CNTN5: variants seen among roughly 807,000 people sequenced by gnomAD.
CNTN5 encodes the protein contactin-5.
CNTN5 carries 77 observed loss-of-function variants against 129.1 expected under a neutral mutation model. The observed-to-expected ratio is 0.60, with a 90% CI of 0.50 to 0.72. The LOEUF (loss-of-function observed/expected upper bound fraction) is 0.72. Ranked by LOEUF, CNTN5 falls within the 30% of genes least tolerant of loss-of-function variation. The probability of loss-of-function intolerance (pLI) is 0.00; values close to 1 mark genes in which losing one functional copy is unlikely to be tolerated. For missense variants in CNTN5, 1,478 were observed against 1,328.8 expected, an observed-to-expected ratio of 1.11 and a Z score of -1.75; for synonymous variants, 509 against 465.6, an observed-to-expected ratio of 1.09 and a Z score of -1.20.
intron 1 of CNTN5, among the ~76,000 whole-genome samples, chr11:99,022,390 T>G (rs550558325): frequency 6.6e-6 from 1 of 152,308 alleles, no homozygotes; most frequent in South Asian, 2.1e-4. Flanking sequence ...TCATTATGAT[T>G]AATATTGTGA....
intron 21 of CNTN5, among the ~76,000 whole-genome samples, chr11:100,315,653 G>A (rs1189641244): frequency 6.6e-6 from 1 of 152,012 alleles, no homozygotes; most frequent in East Asian, 1.9e-4. Flanking sequence ...CTGAAAGAAT[G>A]GCAGTACCTC....
chr11:99,441,704 A>AT (rs1298008994), intron 2 of CNTN5, among the ~76,000 whole-genome samples: 1 of 152,234 alleles, frequency 6.6e-6, no homozygotes, highest in Non-Finnish European at 1.5e-5. Context: ...AAATTGTAAA[A>AT]TTAGGAGTGA....
At chr11:99,537,358 T>C (rs1342756579) in intron 2 of CNTN5, among the ~76,000 whole-genome samples, 1 of 152,146 alleles carries the variant, frequency 6.6e-6, no homozygotes, top group East Asian at 1.9e-4. Flanking sequence ...AGATTCACAA[T>C]TAGTAACTAA....
At chr11:99,045,068 A>G (rs1864153594) in intron 1 of CNTN5, among the ~76,000 whole-genome samples, 1 of 152,202 alleles carries the variant, frequency 6.6e-6, no homozygotes, top group African/African-American at 2.4e-5. Context: ...AGAAAACACT[A>G]AATAAGTATT....
At chr11:99,572,617 G>A (rs1009859224) in intron 3 of CNTN5, among the ~76,000 whole-genome samples, 1 of 152,108 alleles carries the variant, frequency 6.6e-6, no homozygotes, top group African/African-American at 2.4e-5. Context: ...ATTATGTAAA[G>A]ACAATTTTAG....
At chr11:100,248,779 A>T (rs957844641) in intron 16 of CNTN5, among the ~76,000 whole-genome samples, 4 of 152,094 alleles carry the variant, frequency 2.6e-5, no homozygotes, top group Admixed American at 2.6e-4. Context: ...TCTAAGAAGC[A>T]CTCCTCATGA....
At chr11:100,348,906 G>T (rs1049316466) in intron 23 of CNTN5, among the ~76,000 whole-genome samples, 3 of 151,930 alleles carry the variant, frequency 2.0e-5, no homozygotes, top group Non-Finnish European at 4.4e-5. Flanking sequence ...GACTATAAAT[G>T]CCAGGAAGAC....
At chr11:99,315,754 G>A (rs1441464183) in intron 1 of CNTN5, among the ~76,000 whole-genome samples, 2 of 149,094 alleles carry the variant, frequency 1.3e-5, no homozygotes, top group Admixed American at 1.3e-4. Context: ...AGTGGGCCAT[G>A]GATATTGAAA....
intron 15 of CNTN5, 43 bp downstream of exon 15, chr11:100,193,706 G>A: frequency 1.3e-6 from 2 of 1,543,800 alleles, no homozygotes; most frequent in Non-Finnish European, 1.8e-6. Context: ...GATAACTTTA[G>A]AAATTTTGAA....
intron 23 of CNTN5, among the ~76,000 whole-genome samples, chr11:100,344,603 A>T (rs1952238696): frequency 6.6e-6 from 1 of 152,134 alleles, no homozygotes; most frequent in South Asian, 2.1e-4. Context: ...TATAGTTAAT[A>T]ATCTATTGTA....
chr11:99,972,599 A>G lies in CNTN5; in HGVS notation c.877+15590A>G, dbSNP rs1004136622. On this transcript the variant is annotated intron_variant, in intron 8 of 24. Transcript: ENST00000524871. ...CCACACCCAGCTAGCAGACTATGCAATGTCTCTTAGAGTGTTCAGTGACCT... is the reference window on the plus strand; with the variant it reads ...CCACACCCAGCTAGCAGACTATGCAGTGTCTCTTAGAGTGTTCAGTGACCT... Among the ~76,000 whole-genome samples, 5 of 152,300 alleles carry G rather than the reference A, an allele frequency of 3.3e-5. No individual in the cohort carries two copies. In the East Asian group the frequency reaches 9.6e-4, roughly 29 times the overall value.
chr11:99,212,943 G>A (rs1405952409), intron 1 of CNTN5, among the ~76,000 whole-genome samples: 3 of 151,968 alleles, frequency 2.0e-5, no homozygotes, highest in Non-Finnish European at 4.4e-5. Context: ...TGTAATCCCA[G>A]CACTTTGGGA....
intron 2 of CNTN5, among the ~76,000 whole-genome samples, chr11:99,407,631 C>G (rs186956839): frequency 6.6e-6 from 1 of 152,296 alleles, no homozygotes; most frequent in East Asian, 1.9e-4. Flanking sequence ...AGCACTAGGA[C>G]TCACCTAGGT....
At chr11:99,764,366 TA>T (rs34573820) in intron 3 of CNTN5, among the ~76,000 whole-genome samples, 3 of 150,698 alleles carry the variant, frequency 2.0e-5, no homozygotes, top group East Asian at 2.0e-4. Flanking sequence ...TCAGCCACAT[TA>T]AAAAAAAATA....
chr11:99,655,468 A>G (rs976744526), intron 3 of CNTN5, among the ~76,000 whole-genome samples: 2 of 152,156 alleles, frequency 1.3e-5, no homozygotes, highest in Non-Finnish European at 2.9e-5. Context: ...CTTCTTCAGA[A>G]AAATCTCTTG....
At chr11:99,176,349 T>C (rs1251380234) in intron 1 of CNTN5, among the ~76,000 whole-genome samples, 1 of 152,172 alleles carries the variant, frequency 6.6e-6, no homozygotes, top group Non-Finnish European at 1.5e-5. Context: ...AATACCATCA[T>C]GGATGACTTC....
At chr11:99,916,824 ATAAGT>A (rs1949802107) in intron 7 of CNTN5, among the ~76,000 whole-genome samples, 1 of 152,098 alleles carries the variant, frequency 6.6e-6, no homozygotes, top group South Asian at 2.1e-4. Context: ...TAGCTTTACT[ATAAGT>A]TAAGAGTGAC....
At chr11:100,237,105 CG>C (rs1949632900) in intron 16 of CNTN5, among the ~76,000 whole-genome samples, 1 of 148,278 alleles carries the variant, frequency 6.7e-6, no homozygotes, top group Non-Finnish European at 1.5e-5. Context: ...AGGAGAATGG[CG>C]TGAACCCGGG....
intron 16 of CNTN5, among the ~76,000 whole-genome samples, chr11:100,229,917 A>C (rs1430316191): frequency 6.6e-6 from 1 of 152,168 alleles, no homozygotes; most frequent in Non-Finnish European, 1.5e-5. Context: ...TGGAGAGTGC[A>C]TAAGCCTTCA....
Sources: gnomAD v4.1 joint callset for allele counts (sites outside exome capture counted in the v4.1 genomes callset) on GRCh38, gnomAD v4.1.1 for gene constraint, MANE v1.5 for transcripts, NCBI Gene and HGNC (gene_info 2026-07-23, HGNC 2026-07-21) for gene names.